Variants in MANSC1 observed in about 807,000 individuals in gnomAD.
MANSC1 encodes MANSC domain containing 1.
A neutral mutation model predicts 14.1 loss-of-function variants in MANSC1; 13 were observed. The ratio of observed to expected loss-of-function variants is 0.92; its 90% CI spans 0.60 to 1.46. MANSC1 has a LOEUF of 1.46. Ranked by LOEUF, MANSC1 falls within the 40% of genes most tolerant of loss-of-function variation. The probability of loss-of-function intolerance (pLI) is 0.00; values close to 1 mark genes in which losing one functional copy is unlikely to be tolerated. For missense variants in MANSC1, 486 were observed against 511.4 expected, an observed-to-expected ratio of 0.95 and a Z score of 0.48; for synonymous variants, 227 against 200.7, an observed-to-expected ratio of 1.13 and a Z score of -1.11.
In MANSC1 at chr12:12,338,402, G is replaced by A; in HGVS notation, c.364+18C>T. On this transcript the variant is annotated intron_variant, in intron 3 of 3. Transcript: ENST00000535902. ...AATTATTCCAATCACAAAAGAAAAA[G>A]TATAATGCTTTCATTACCTGTAATT... 3 of 1,567,106 alleles carry A rather than the reference G, an allele frequency of 1.9e-6. No homozygotes were observed. The highest frequency in any genetic ancestry group is 1.4e-5 in the African/African-American group (1 of 72,384).
At position 12,330,473 on chromosome 12, in the gene MANSC1, A is replaced by C. The variant is rs1208229904; in HGVS notation, c.850T>G (p.Ser284Ala). 6.2e-7 allele frequency: 1 copy of C among 1,613,972 alleles called. No homozygotes were observed. ...GCCGCAGCCCGTGTAAAAACTGTAG[A>C]AATGAGGGTCGTGGGAGGCTGAGAA... ...VTSQPPTTLI[S>A]TVFTRAAATL... Residue 284 changes from serine (S) to alanine (A), a missense_variant, in exon 4 of 4, where the codon TCT (serine) becomes GCT (alanine). By Grantham distance (99) the Ser-to-Ala change is moderately conservative. Coordinates refer to ENST00000535902, the MANE Select transcript of MANSC1 (RefSeq NM_018050.4).
rs1862737711 is a variant in MANSC1 at position 12,328,656 on chromosome 12, T to C, written c.*1371A>G. The C allele has an allele frequency of 6.6e-6, 1 of 151,774 alleles. No homozygotes were observed. The highest frequency in any genetic ancestry group is 2.4e-5 in the African/African-American group (1 of 41,302). The allele number at this position is 151,774 out of a possible 1,614,324, so 9.4% of individuals were successfully genotyped here. A position where few individuals can be genotyped will look rare whatever the true frequency, so the allele number is the denominator to read the frequency against. On this transcript the variant is annotated 3_prime_UTR_variant, in exon 4 of 4. Transcript: ENST00000535902. ...AAATAATAGTGGTACATTTTTAACT[T>C]AGTACAAGTTTAGAAAATGTCTATA...
At position 12,328,123 on chromosome 12, in the gene MANSC1, A is replaced by G. The variant is rs1385860903; in HGVS notation, c.*1904T>C. ...AAATTGAAGTCCAGAGGAAAGAGGT[A>G]TCAAACTGACCCAGGGGACTTCTGG... is the stretch of plus-strand genomic sequence containing the variant. On this transcript the variant is annotated 3_prime_UTR_variant, in exon 4 of 4. Coordinates refer to ENST00000535902, the MANE Select transcript of MANSC1 (RefSeq NM_018050.4). The G allele has an allele frequency of 6.6e-6, 1 of 152,064 alleles. No homozygotes were observed. Among genetic ancestry groups the G allele is most frequent in the Admixed American group, 6.6e-5 (1 of 15,254 alleles). 9.4% of individuals were successfully genotyped at this position (152,064 alleles called of 1,614,324 possible).
At position 12,330,043 on chromosome 12, in the gene MANSC1, A is replaced by T. The variant is rs1225427962; in HGVS notation, c.1280T>A (p.Ile427Asn). Residue 427 changes from isoleucine to asparagine, a missense_variant, in exon 4 of 4, where the codon ATC (isoleucine) becomes AAC (asparagine). Coordinates refer to ENST00000535902, the MANE Select transcript of MANSC1 (RefSeq NM_018050.4). ...YSRLDYLING[I>N]YVDI ...GTTCCATCCTTAGATGTCCACATAG[A>T]TCCCATTGATCAAATAATCCAGTCT... The T allele has an allele frequency of 6.2e-7, 1 of 1,614,018 alleles. No individual in the cohort carries two copies. Among genetic ancestry groups the T allele is most frequent in the Non-Finnish European group, 8.5e-7 (1 of 1,179,938 alleles).
intron 3 of MANSC1, among the ~76,000 whole-genome samples, chr12:12,334,518 G>T (rs1862832950): frequency 6.6e-6 from 1 of 152,094 alleles, no homozygotes; most frequent in Non-Finnish European, 1.5e-5. Flanking sequence ...ACTATGTCCG[G>T]GGTTGGTGCC....
chr12:12,346,520 A>G (rs1222571037), intron 1 of MANSC1, among the ~76,000 whole-genome samples: 2 of 152,244 alleles, frequency 1.3e-5, no homozygotes, highest in Non-Finnish European at 2.9e-5. Context: ...ATAGACAAAC[A>G]GATCAATGGA....
In MANSC1 at chr12:12,329,919, T is replaced by C; in HGVS notation, c.*108A>G. On this transcript the variant is annotated 3_prime_UTR_variant, in exon 4 of 4. Coordinates refer to ENST00000535902, the MANE Select transcript of MANSC1 (RefSeq NM_018050.4). ...AAAAAGGAAAGCAGAAGGGGGCATT[T>C]TCCTGTCTTCAAAATACAACCTCCT... The C allele has an allele frequency of 1.1e-6, 1 of 928,178 alleles. No homozygotes were observed. The highest frequency in any genetic ancestry group is 1.6e-6 in the Non-Finnish European group (1 of 631,132). 57.5% of individuals were successfully genotyped at this position (928,178 alleles called of 1,614,324 possible).
rs1432048764 is a variant in MANSC1 at position 12,330,876 on chromosome 12, TG to T, written c.446del (p.Ala149GlufsTer5). On this transcript the variant is annotated frameshift_variant, in exon 4 of 4. Coordinates refer to ENST00000535902, the MANE Select transcript of MANSC1 (RefSeq NM_018050.4). LOFTEE classifies it low-confidence loss of function (END_TRUNC). Reference protein sequence around the residue: ...DSLLHGQFSQAVTPLAHHHTD... With the variant: ...DSLLHGQFSQXVTPLAHHHTD... ...TGTGATGATGGGCTAGGGGAGTGAC[TG>T]CTTGTGAAAATTGGCCATGTAAGAG... is the stretch of plus-strand genomic sequence containing the variant. 6.2e-7 allele frequency: 1 copy of T among 1,613,838 alleles called. No homozygotes were observed. The highest frequency in any genetic ancestry group is 2.2e-5 in the East Asian group (1 of 44,882).
chr12:12,341,010 CCTA>C (rs1336765231), intron 2 of MANSC1, among the ~76,000 whole-genome samples: 3 of 152,080 alleles, frequency 2.0e-5, no homozygotes, highest in African/African-American at 7.2e-5. Context: ...AACCACATAT[CCTA>C]CTATTGAGTT....
intron 3 of MANSC1, among the ~76,000 whole-genome samples, chr12:12,331,292 T>C (rs1018403679): frequency 6.6e-6 from 1 of 152,334 alleles, no homozygotes; most frequent in African/African-American, 2.4e-5. Context: ...TACCAGATGC[T>C]GTGGTTTATT....
chr12:12,330,741 C>A lies in MANSC1; in HGVS notation c.582G>T (p.Gln194His), dbSNP rs1862776484. The stretch of plus-strand genomic sequence containing the variant: ...GGCCTTTTTCCTTATAAGCAAGGAG[C>A]TGGGCACTTGCTTCATCCATCTTAA... Reference protein sequence around the residue: ...KLFKMDEASAQLLAYKEKGHS... With the variant: ...KLFKMDEASAHLLAYKEKGHS... The change falls in exon 4 of 4, where the codon CAG becomes CAT. Residue 194 changes from glutamine to histidine, a missense_variant. Gln to His is a conservative substitution (Grantham distance 24). Transcript: ENST00000535902. 1 of 1,614,160 alleles carries A rather than the reference C, an allele frequency of 6.2e-7. No homozygotes were observed. Among genetic ancestry groups the A allele is most frequent in the East Asian group, 2.2e-5 (1 of 44,884 alleles).
Position 12,328,651 on chromosome 12 carries a change from T to TAACTTAGTACAAGTTTAGAAA in MANSC1, c.*1355_*1375dup, listed in dbSNP as rs1862737683. On this transcript the variant is annotated 3_prime_UTR_variant, in exon 4 of 4. Coordinates refer to ENST00000535902, the MANE Select transcript of MANSC1 (RefSeq NM_018050.4). ...ATATAAAATAATAGTGGTACATTTT[T>TAACTTAGTACAAGTTTAGAAA]AACTTAGTACAAGTTTAGAAAATGT... The TAACTTAGTACAAGTTTAGAAA allele has an allele frequency of 6.6e-6, 1 of 151,790 alleles. No homozygotes were observed. Among genetic ancestry groups the TAACTTAGTACAAGTTTAGAAA allele is most frequent in the African/African-American group, 2.4e-5 (1 of 41,324 alleles). The allele number at this position is 151,790 out of a possible 1,614,324, so 9.4% of individuals were successfully genotyped here.
At chr12:12,338,382 T>C (rs764402211) in intron 3 of MANSC1, 38 bp downstream of exon 3, 8 of 1,524,036 alleles carry the variant, frequency 5.2e-6, no homozygotes, top group Non-Finnish European at 7.0e-6. Flanking sequence ...TCTTAAATTA[T>C]TCCAATCACA....
intron 1 of MANSC1, among the ~76,000 whole-genome samples, chr12:12,346,694 C>G (rs1178044378): frequency 2.6e-5 from 4 of 152,328 alleles, no homozygotes; most frequent in South Asian, 4.1e-4. Context: ...AATCTAGCCA[C>G]ATACTTTACA....
chr12:12,332,623 C>T (rs578049071), intron 3 of MANSC1, among the ~76,000 whole-genome samples: 18 of 152,180 alleles, frequency 1.2e-4, no homozygotes, highest in African/African-American at 3.9e-4. Flanking sequence ...CAGATTCAGG[C>T]GATTCTCCTA....
chr12:12,340,125 T>C (rs895254720), intron 2 of MANSC1, among the ~76,000 whole-genome samples: 6 of 152,218 alleles, frequency 3.9e-5, no homozygotes, highest in Non-Finnish European at 7.3e-5. Flanking sequence ...GGCTTCTTTT[T>C]CTGTTCCTCT....
intron 1 of MANSC1, among the ~76,000 whole-genome samples, chr12:12,345,796 T>C (rs980253660): frequency 6.6e-6 from 1 of 152,214 alleles, no homozygotes; most frequent in African/African-American, 2.4e-5. Context: ...TTGTGAGACA[T>C]ATTTAAAAAT....
At chr12:12,349,755 C>T (rs982874990) in intron 1 of MANSC1, among the ~76,000 whole-genome samples, 4 of 152,216 alleles carry the variant, frequency 2.6e-5, no homozygotes, top group Admixed American at 1.3e-4. Context: ...ACAGAGTCAA[C>T]GACAAGAAAA....
chr12:12,331,982 C>T (rs1862796814), intron 3 of MANSC1, among the ~76,000 whole-genome samples: 1 of 152,054 alleles, frequency 6.6e-6, no homozygotes, highest in African/African-American at 2.4e-5. Flanking sequence ...CCATACAGTC[C>T]CGATGCCTGC....
Sources: gnomAD v4.1 joint callset for allele counts (sites outside exome capture counted in the v4.1 genomes callset) on GRCh38, gnomAD v4.1.1 for gene constraint, MANE v1.5 for transcripts, NCBI Gene and HGNC (gene_info 2026-07-23, HGNC 2026-07-21) for gene names.